The following TRIP11 variants were observed in gnomAD, a reference collection of about 807,000 sequenced individuals.
The protein encoded by TRIP11 is thyroid hormone receptor interactor 11.
A neutral mutation model predicts 223.1 loss-of-function variants in TRIP11; 148 were observed. The ratio of observed to expected loss-of-function variants is 0.66; its 90% CI spans 0.58 to 0.76. The LOEUF (loss-of-function observed/expected upper bound fraction) is 0.76. Among genes scored for constraint, TRIP11 ranks in the 30% least tolerant of loss-of-function variants. TRIP11 has a pLI of 0.00. For synonymous variants in TRIP11, 762 were observed against 772.6 expected (o/e 0.99, Z 0.23); for missense variants, 2,043 against 2,222.0 (o/e 0.92, Z 1.62).
chr14:92,026,969 G>A (rs763936100), intron 2 of TRIP11: 99 of 995,924 alleles, frequency 9.9e-5, no homozygotes, highest in Admixed American at 1.0e-4. Flanking sequence ...GAATCTAAAC[G>A]TGGTCACCTT....
At chr14:91,980,695 T>C (rs148196826) in intron 16 of TRIP11, among the ~76,000 whole-genome samples, 1 of 152,174 alleles carries the variant, frequency 6.6e-6, no homozygotes, top group Non-Finnish European at 1.5e-5. Flanking sequence ...CCCCTCCATT[T>C]TGCATGTTTG....
At chr14:92,029,301 T>TA in intron 2 of TRIP11, among the ~76,000 whole-genome samples, 1 of 105,948 alleles carries the variant, frequency 9.4e-6, no homozygotes, top group East Asian at 2.2e-4. Context: ...TTTTTTTTTT[T>TA]TTTTTTTTTT....
rs1435851683 is a variant in TRIP11 at position 92,007,664 on chromosome 14, G to C, written c.1503C>G (p.Asp501Glu). 1 of 1,613,482 alleles carries C rather than the reference G, an allele frequency of 6.2e-7. No individual in the cohort carries two copies. The highest frequency in any genetic ancestry group is 8.5e-7 in the Non-Finnish European group (1 of 1,179,940). Residue 501 changes from aspartate to glutamate, a missense_variant, in exon 10 of 21, where the codon GAC (aspartate) becomes GAG (glutamate). By Grantham distance (45) the Asp-to-Glu change is conservative. Transcript: ENST00000267622. ...CCTTTGTAGCTTCTTGATTCTGTCTGTCCAATTCTTCTATCTCAGCTATCA... is the reference window on the plus strand; with the variant it reads ...CCTTTGTAGCTTCTTGATTCTGTCTCTCCAATTCTTCTATCTCAGCTATCA... Reference protein sequence around the residue: ...ETLIAEIEELDRQNQEATKHM... With the variant: ...ETLIAEIEELERQNQEATKHM...
At chr14:91,990,922 G>T (rs1460097079) in intron 15 of TRIP11, among the ~76,000 whole-genome samples, 1 of 152,184 alleles carries the variant, frequency 6.6e-6, no homozygotes, top group Non-Finnish European at 1.5e-5. Context: ...TCTTTTAAAT[G>T]TATTAATGAG....
At position 92,039,955 on chromosome 14, in the gene TRIP11, G is replaced by A; in HGVS notation, c.-270C>T. 1 of 571,636 alleles carries A rather than the reference G, an allele frequency of 1.7e-6. No homozygotes were observed. Among genetic ancestry groups the A allele is most frequent in the Non-Finnish European group, 3.1e-6 (1 of 327,168 alleles). 35.4% of individuals were successfully genotyped at this position (571,636 alleles called of 1,614,324 possible). A position where few individuals can be genotyped will look rare whatever the true frequency, so the allele number is the denominator to read the frequency against. ...CCACGAATTCCCACCGTCCAGATTG[G>A]GCCACTTCTTTCTCAGCTCTAATGA... On this transcript the variant is annotated 5_prime_UTR_variant, in exon 1 of 21. Coordinates refer to ENST00000267622, the MANE Select transcript of TRIP11 (RefSeq NM_004239.4).
chr14:91,982,247 T>A lies in TRIP11; in HGVS notation c.5260+6037A>T, dbSNP rs116202753. 8.3e-3 allele frequency among the ~76,000 whole-genome samples: 1,261 copies of A among 152,344 alleles called. 17 individuals are homozygous for A. Among genetic ancestry groups the A allele is most frequent in the African/African-American group, 0.029 (1,190 of 41,566 alleles). On this transcript the variant is annotated intron_variant, in intron 16 of 20. Coordinates refer to ENST00000267622, the MANE Select transcript of TRIP11 (RefSeq NM_004239.4). ...AACCCTTTATTATGAATTCAGATAATCTGAACTATATTTCTCCATATTGAA... is the reference window on the plus strand; with the variant it reads ...AACCCTTTATTATGAATTCAGATAAACTGAACTATATTTCTCCATATTGAA...
At chr14:91,991,958 C>A (rs746590582) in intron 15 of TRIP11, among the ~76,000 whole-genome samples, 63 of 151,476 alleles carry the variant, frequency 4.2e-4, no homozygotes, top group Non-Finnish European at 6.6e-4. Context: ...TGGTGTGTGC[C>A]TGTAATCTCA....
At chr14:92,003,136 CTCA>C (rs773945699) in intron 11 of TRIP11, among the ~76,000 whole-genome samples, 204 of 152,284 alleles carry the variant, frequency 1.3e-3, no homozygotes, top group Non-Finnish European at 2.4e-3. Flanking sequence ...TCAAAATTCT[CTCA>C]TGAGACACAT....
At chr14:91,981,012 A>ATATATATTTTTTT in intron 16 of TRIP11, among the ~76,000 whole-genome samples, 1 of 49,944 alleles carries the variant, frequency 2.0e-5, no homozygotes, top group African/African-American at 6.7e-5. Context: ...ATATATATAT[A>ATATATATTTTTTT]TTTTTTTTTT....
Position 92,003,438 on chromosome 14 carries a change from A to T in TRIP11, c.4538T>A (p.Leu1513Gln). The change falls in exon 11 of 21, where the codon CTA becomes CAA. Residue 1513 changes from leucine to glutamine, a missense_variant. Leu to Gln is a moderately radical substitution (Grantham distance 113). Coordinates refer to ENST00000267622, the MANE Select transcript of TRIP11 (RefSeq NM_004239.4). Reference sequence around the variant, plus strand: ...ACACACCTGTTCTTTCTCTTTCAATAGCTGTTCAAAAGCAAGAGCCTTCTC... The same window carrying T: ...ACACACCTGTTCTTTCTCTTTCAATTGCTGTTCAAAAGCAAGAGCCTTCTC... ...MKEKALAFEQ[L>Q]LKEKEQGKTG... The T allele has an allele frequency of 6.2e-7, 1 of 1,613,642 alleles. No individual in the cohort carries two copies.
At chr14:91,996,578 T>G (rs1204206559) in intron 13 of TRIP11, among the ~76,000 whole-genome samples, 1 of 152,134 alleles carries the variant, frequency 6.6e-6, no homozygotes, top group Non-Finnish European at 1.5e-5. Flanking sequence ...TACAAATGAA[T>G]AGCCTGCAAT....
chr14:91,970,370 A>G (rs1178238225), intron 20 of TRIP11, among the ~76,000 whole-genome samples: 2 of 152,030 alleles, frequency 1.3e-5, no homozygotes, highest in Non-Finnish European at 2.9e-5. Flanking sequence ...TGGAGATCGC[A>G]CCACTGCACT....
chr14:91,997,257 T>C (rs2056762108), intron 13 of TRIP11, among the ~76,000 whole-genome samples: 1 of 152,210 alleles, frequency 6.6e-6, no homozygotes, highest in Admixed American at 6.5e-5. Flanking sequence ...TAATCCGGTT[T>C]GTAGATCTGA....
chr14:92,014,658 T>G lies in TRIP11; in HGVS notation c.824-81A>C, dbSNP rs952202384. ...GTTTGCTATATACAACTAAGAGATA[T>G]AAGACAGTTCAGAATTTGGAAAGCT... On this transcript the variant is annotated intron_variant, in intron 6 of 20. Coordinates refer to ENST00000267622, the MANE Select transcript of TRIP11 (RefSeq NM_004239.4). The G allele has an allele frequency of 2.5e-5, 36 of 1,440,996 alleles. No individual in the cohort carries two copies. In the African/African-American group the frequency reaches 4.8e-4, roughly 19 times the overall value. The allele number at this position is 1,440,996 out of a possible 1,614,324, so 89.3% of individuals were successfully genotyped here.
chr14:92,014,126 TA>T, intron 7 of TRIP11, 88 bp downstream of exon 7: 1 of 1,549,608 alleles, frequency 6.5e-7, no homozygotes, highest in East Asian at 2.3e-5. Context: ...CCATTTCCAC[TA>T]AGTATTCAGT....
chr14:92,000,854 CT>C (rs1232278637), intron 11 of TRIP11, among the ~76,000 whole-genome samples: 7 of 146,650 alleles, frequency 4.8e-5, no homozygotes, highest in South Asian at 4.4e-4. Context: ...CAGCCACTTT[CT>C]TTTTTTTTCT....
intron 2 of TRIP11, among the ~76,000 whole-genome samples, chr14:92,032,607 G>A (rs1000609989): frequency 1.3e-5 from 2 of 152,106 alleles, no homozygotes; most frequent in African/African-American, 2.4e-5. Flanking sequence ...GGCTAAGGCG[G>A]GTGAATCACG....
Position 92,003,983 on chromosome 14 carries a change from T to C in TRIP11, c.3993A>G (p.Arg1331=), listed in dbSNP as rs1459358529. ...CACTCAATACTTCAGACTTACTTGC[T>C]CTAAGACACTCTGCAGACTGGGGAG... ...LLTPQSAECL[R]ASKSEVLSES... is the part of the protein sequence containing the mutation. Residue 1331 remains arginine, a synonymous_variant, in exon 11 of 21, where the codon AGA becomes AGG. Coordinates refer to ENST00000267622, the MANE Select transcript of TRIP11 (RefSeq NM_004239.4). 1 of 1,614,160 alleles carries C rather than the reference T, an allele frequency of 6.2e-7. No homozygotes were observed. Among genetic ancestry groups the C allele is most frequent in the South Asian group, 1.1e-5 (1 of 91,086 alleles).
intron 13 of TRIP11, among the ~76,000 whole-genome samples, chr14:91,998,398 T>C (rs2056777476): frequency 6.6e-6 from 1 of 152,188 alleles, no homozygotes; most frequent in South Asian, 2.1e-4. Context: ...TTAAAACACA[T>C]AATAAATGAC....
Sources: allele counts gnomAD v4.1 joint callset (sites outside exome capture counted in the v4.1 genomes callset), GRCh38; gene constraint gnomAD v4.1.1; transcripts MANE v1.5; gene names NCBI Gene and HGNC (gene_info 2026-07-23, HGNC 2026-07-21).